The following PSG4 variants were observed in gnomAD, a reference collection of about 807,000 sequenced individuals.
The protein encoded by PSG4 is pregnancy specific beta-1-glycoprotein 4.
In PSG4, 61 loss-of-function variants were observed where a neutral mutation model predicts 44.3. The ratio of observed to expected loss-of-function variants is 1.38; its 90% CI spans 1.12 to 1.70. The LOEUF is 1.70. Ranked by LOEUF, PSG4 falls within the 40% of genes most tolerant of loss-of-function variation. PSG4 has a pLI of 0.00. For missense variants in PSG4, 677 were observed against 511.7 expected, an observed-to-expected ratio of 1.32 and a Z score of -3.12; for synonymous variants, 248 against 191.3, an observed-to-expected ratio of 1.30 and a Z score of -2.45.
chr19:43,193,234 C>T lies in PSG4; in HGVS notation c.*138G>A. 1.3e-6 allele frequency: 1 copy of T among 764,644 alleles called. No homozygotes were observed. The highest frequency in any genetic ancestry group is 1.3e-5 in the South Asian group (1 of 74,464). The allele number at this position is 764,644 out of a possible 1,614,324, so 47.4% of individuals were successfully genotyped here. On this transcript the variant is annotated 3_prime_UTR_variant, in exon 6 of 6. Transcript: ENST00000405312. The stretch of plus-strand genomic sequence containing the variant: ...ACATTTTGGTGAGTTCTGAGTGGCT[C>T]ACATGTCAGGTACAAGGGTTTTCCC...
chr19:43,193,328 C>A lies in PSG4; in HGVS notation c.*44G>T, dbSNP rs142156065. On this transcript the variant is annotated 3_prime_UTR_variant, in exon 6 of 6. Coordinates refer to ENST00000405312, the MANE Select transcript of PSG4 (RefSeq NM_002780.5). ...CTGGAACAGAGTGGGTCTTGCTCTT[C>A]GTGATTCCATGGGAGAAAATGGAAT... The A allele has an allele frequency of 6.2e-5, 48 of 775,162 alleles. 1 individual carries two copies. The highest frequency in any genetic ancestry group is 2.3e-4 in the Middle Eastern group (1 of 4,430). The allele number at this position is 775,162 out of a possible 1,614,324, so 48.0% of individuals were successfully genotyped here.
At chr19:43,196,995 T>C (rs1428496491) in intron 3 of PSG4, among the ~76,000 whole-genome samples, 2 of 146,878 alleles carry the variant, frequency 1.4e-5, no homozygotes, top group African/African-American at 2.6e-5. Context: ...TATATTGATA[T>C]CGTCTTTAAT....
Position 43,194,460 on chromosome 19 carries a change from A to T in PSG4, c.1123T>A (p.Ser375Thr). ...SWTINGKFQLSGQKLSIPQIT... is the reference protein window; with the variant it reads ...SWTINGKFQLTGQKLSIPQIT... ...TGGGGGATAGAGAGCTTTTGTCCTG[A>T]TAGCTGAAACTTCCCATTAATTGTC... Residue 375 changes from serine to threonine, a missense_variant, in exon 5 of 6, where the codon TCA (serine) becomes ACA (threonine). Transcript: ENST00000405312. 6.2e-7 allele frequency: 1 copy of T among 1,612,460 alleles called. No homozygotes were observed. The highest frequency in any genetic ancestry group is 1.3e-5 in the African/African-American group (1 of 74,664).
chr19:43,198,260 G>C lies in PSG4; in HGVS notation c.446C>G (p.Pro149Arg). 2 of 1,586,548 alleles carry C rather than the reference G, an allele frequency of 1.3e-6. No homozygotes were observed. The highest frequency in any genetic ancestry group is 1.7e-6 in the Non-Finnish European group (2 of 1,171,486). Residue 149 changes from proline (P) to arginine (R), a missense_variant, in exon 3 of 6, where the codon CCC (proline) becomes CGC (arginine). Transcript: ENST00000405312. ...ATTTAAGTTGCTGCTGGAGATGGAG[G>C]GCTTGGGAGTCTCCACTGTGCAGAA... The part of the protein sequence containing the change: ...TFTLHLETPK[P>R]SISSSNLNPR...
chr19:43,202,954 G>T (rs1396436599), intron 2 of PSG4: 1 of 147,286 alleles, frequency 6.8e-6, no homozygotes, highest in Non-Finnish European at 1.5e-5. Context: ...TTGTGTTGGT[G>T]TGACTCTGGT....
At chr19:43,196,365 T>C (rs1173816089) in intron 3 of PSG4, 1 of 151,630 alleles carries the variant, frequency 6.6e-6, no homozygotes, top group Non-Finnish European at 1.5e-5. Context: ...GTTTCAGTTA[T>C]GCAAGGTGGG....
Position 43,203,992 on chromosome 19 carries a change from C to T in PSG4, c.324G>A (p.Leu108=), listed in dbSNP as rs770835997. ...RERVYSNASL[L]IQNVTQEDAG... ...CATCCTCCTGCGTGACATTCTGGAT[C>T]AGCAGGGATGCATTGGAATATACTC... Residue 108 remains leucine, a synonymous_variant, in exon 2 of 6, where the codon CTG becomes CTA. Coordinates refer to ENST00000405312, the MANE Select transcript of PSG4 (RefSeq NM_002780.5). 6.3e-6 allele frequency: 10 copies of T among 1,587,898 alleles called. No individual in the cohort carries two copies. The highest frequency in any genetic ancestry group is 7.7e-6 in the Non-Finnish European group (9 of 1,171,762).
Position 43,199,964 on chromosome 19 carries a change from A to G in PSG4, c.431-1689T>C, listed in dbSNP as rs1288947234. 1.4e-5 allele frequency among the ~76,000 whole-genome samples: 2 copies of G among 145,294 alleles called. 1 individual carries two copies. The highest frequency in any genetic ancestry group is 5.3e-5 in the African/African-American group (2 of 37,864). On this transcript the variant is annotated intron_variant, in intron 2 of 5. Coordinates refer to ENST00000405312, the MANE Select transcript of PSG4 (RefSeq NM_002780.5). The stretch of plus-strand genomic sequence containing the variant: ...AAGGACAGAACTGGTCAGTGCGTCA[A>G]TTACATAAAGGGAGGAAGGATGCCA...
intron 2 of PSG4, among the ~76,000 whole-genome samples, chr19:43,202,304 C>T (rs1209447915): frequency 7.0e-6 from 1 of 143,874 alleles, no homozygotes; most frequent in Non-Finnish European, 1.5e-5. Context: ...GCCCCAGTTC[C>T]ACAGTCCAGG....
chr19:43,194,635 G>T (rs757328251), intron 4 of PSG4, 41 bp from the exon 5 acceptor site: 19 of 1,582,588 alleles, frequency 1.2e-5, no homozygotes, highest in Middle Eastern at 3.4e-4. Flanking sequence ...TGTCATCCGA[G>T]GGAAGGGGAT....
In PSG4 at chr19:43,197,973, C is replaced by A. The variant is rs761551644; in HGVS notation, c.709+24G>T. ...GTGTATTTGGGATGGCAGCCTGGCT[C>A]ACAGAGGAACAGAGGATACTCACGG... On this transcript the variant is annotated intron_variant, in intron 3 of 5. Coordinates refer to ENST00000405312, the MANE Select transcript of PSG4 (RefSeq NM_002780.5). The A allele has an allele frequency of 1.1e-4, 181 of 1,587,366 alleles. 17 individuals carry two copies. The highest frequency in any genetic ancestry group is 1.5e-4 in the Non-Finnish European group (178 of 1,171,854).
chr19:43,197,507 G>A lies in PSG4; in HGVS notation c.709+490C>T, dbSNP rs1377897204. 2.1e-5 allele frequency among the ~76,000 whole-genome samples: 3 copies of A among 142,724 alleles called. 1 individual carries two copies. Among genetic ancestry groups the A allele is most frequent in the South Asian group, 2.2e-4 (1 of 4,536 alleles). 93.6% of individuals were successfully genotyped at this position (142,724 alleles called of 152,430 possible). On this transcript the variant is annotated intron_variant, in intron 3 of 5. Transcript: ENST00000405312. ...ATCAGCCAAGAATGCTCTGCCAGTGGGTGAGAGTCTGTGAGGCAGGAGAGA... is the reference window on the plus strand; with the variant it reads ...ATCAGCCAAGAATGCTCTGCCAGTGAGTGAGAGTCTGTGAGGCAGGAGAGA...
chr19:43,197,813 T>C, intron 3 of PSG4, 184 bp downstream of exon 3: 8 of 1,234,574 alleles, frequency 6.5e-6, no homozygotes, highest in Non-Finnish European at 8.7e-6. Context: ...GCAGCCTCTT[T>C]TCTCCTATTG....
Position 43,198,224 on chromosome 19 carries a change from G to T in PSG4, c.482C>A (p.Ala161Asp), listed in dbSNP as rs186019748. The change falls in exon 3 of 6, where the codon GCC becomes GAC. Residue 161 changes from alanine to aspartate, a missense_variant. Transcript: ENST00000405312. Reference protein sequence around the residue: ...ISSSNLNPREAMEAVILTCDP... With the variant: ...ISSSNLNPREDMEAVILTCDP... ...ACAGGTTAAGATCACAGCCTCCATGGCCTCCCTGGGATTTAAGTTGCTGCT... is the reference window on the plus strand; with the variant it reads ...ACAGGTTAAGATCACAGCCTCCATGTCCTCCCTGGGATTTAAGTTGCTGCT... 3.4e-5 allele frequency: 54 copies of T among 1,587,382 alleles called. 8 individuals carry two copies. The East Asian group carries it at 3.5e-4, about 10-fold the overall frequency.
chr19:43,193,035 G>C lies in PSG4; in HGVS notation c.*337C>G. On this transcript the variant is annotated 3_prime_UTR_variant, in exon 6 of 6. Transcript: ENST00000405312. ...TACTACATGTGAAATTCTAATGACT[G>C]CATTATCCTGCCAAGTGAAAGAGGC... 1.7e-6 allele frequency: 1 copy of C among 577,898 alleles called. No homozygotes were observed. Among genetic ancestry groups the C allele is most frequent in the Non-Finnish European group, 3.1e-6 (1 of 324,556 alleles). The allele number at this position is 577,898 out of a possible 1,614,324, so 35.8% of individuals were successfully genotyped here.
intron 2 of PSG4, among the ~76,000 whole-genome samples, chr19:43,202,677 AG>A (rs1308634944): frequency 6.9e-6 from 1 of 144,088 alleles, no homozygotes; most frequent in Non-Finnish European, 1.5e-5. Context: ...TTTCAAGTTC[AG>A]TGATGGGGGT....
At position 43,203,996 on chromosome 19, in the gene PSG4, A is replaced by C; in HGVS notation, c.320T>G (p.Leu107Arg). ...GRERVYSNAS[L>R]LIQNVTQEDA... ...CTCCTGCGTGACATTCTGGATCAGC[A>C]GGGATGCATTGGAATATACTCTTTC... The change falls in exon 2 of 6, where the codon CTG (leucine) becomes CGG (arginine). Residue 107 changes from leucine (L) to arginine (R), a missense_variant. Leu to Arg is a moderately radical substitution (Grantham distance 102, BLOSUM62 -2). Transcript: ENST00000405312. The C allele has an allele frequency of 6.3e-7, 1 of 1,588,034 alleles. No individual in the cohort carries two copies. Among genetic ancestry groups the C allele is most frequent in the South Asian group, 1.1e-5 (1 of 89,972 alleles).
chr19:43,195,032 A>T lies in PSG4; in HGVS notation c.951T>A (p.Gly317=), dbSNP rs557525123. Residue 317 remains glycine (G), a synonymous_variant, in exon 4 of 6, where the codon GGT becomes GGA. Transcript: ENST00000405312. ...GGGTGACTGGGTCACTGCGGATGCC[A>T]CCATATCGGTCCCGTATTTCACATT... ...PYQCEIRDRY[G]GIRSDPVTLN... The T allele has an allele frequency of 5.0e-6, 8 of 1,611,954 alleles. No homozygotes were observed. The highest frequency in any genetic ancestry group is 5.9e-6 in the Non-Finnish European group (7 of 1,179,076).
intron 3 of PSG4, among the ~76,000 whole-genome samples, chr19:43,197,447 A>G (rs1599770877): frequency 6.9e-6 from 1 of 145,102 alleles, no homozygotes; most frequent in Admixed American, 6.9e-5. Context: ...TGGGGGATAA[A>G]GCACACTTGT....
Sources: gnomAD v4.1 joint callset for allele counts (sites outside exome capture counted in the v4.1 genomes callset) on GRCh38, gnomAD v4.1.1 for gene constraint, MANE v1.5 for transcripts, NCBI Gene and HGNC (gene_info 2026-07-23, HGNC 2026-07-21) for gene names.